SMARCAL1: variants seen among roughly 807,000 people sequenced by gnomAD.
SMARCAL1 encodes ATP-driven annealing helicase.
SMARCAL1 carries 58 observed loss-of-function variants against 94.5 expected under a neutral mutation model. That is an observed-to-expected ratio of 0.61 (90% CI 0.50 to 0.76). The LOEUF (loss-of-function observed/expected upper bound fraction) is 0.76. Ranked by LOEUF, SMARCAL1 falls within the 30% of genes least tolerant of loss-of-function variation. SMARCAL1 has a pLI of 0.00. For missense variants in SMARCAL1, 1,051 were observed against 1,177.9 expected (o/e 0.89, Z 1.58); for synonymous variants, 422 against 455.1 (o/e 0.93, Z 0.93).
chr2:216,458,568 C>T (rs1220189325), intron 12 of SMARCAL1, among the ~76,000 whole-genome samples: 2 of 152,120 alleles, frequency 1.3e-5, no homozygotes, highest in East Asian at 1.9e-4. Flanking sequence ...ATAAACAGAA[C>T]CAAAGACAAA....
intron 12 of SMARCAL1, among the ~76,000 whole-genome samples, chr2:216,463,710 G>A (rs1202384457): frequency 6.6e-6 from 1 of 152,120 alleles, no homozygotes; most frequent in African/African-American, 2.4e-5. Context: ...ACCTTATGTG[G>A]GAGGTATACC....
intron 14 of SMARCAL1, among the ~76,000 whole-genome samples, chr2:216,470,838 C>CAAAAAAAAAAAAAA (rs55763206): frequency 2.1e-5 from 1 of 48,068 alleles, no homozygotes; most frequent in African/African-American, 1.0e-4. Flanking sequence ...AAGAACATCT[C>CAAAAAAAAAAAAAA]AAAAAAAAAA....
Position 216,432,810 on chromosome 2 carries a change from G to T in SMARCAL1, c.1427G>T (p.Arg476Leu). Residue 476 changes from arginine to leucine, a missense_variant, in exon 8 of 18, where the codon CGG (arginine) becomes CTG (leucine). Arg to Leu is a moderately radical substitution (Grantham distance 102, BLOSUM62 -2). Coordinates refer to ENST00000357276, the MANE Select transcript of SMARCAL1 (RefSeq NM_014140.4). Reference sequence around the variant, plus strand: ...GCCATCTGCATCGCAGCCTTTTACCGGAAGGAGTGGCCGCTCCTGGTGGTG... The same window carrying T: ...GCCATCTGCATCGCAGCCTTTTACCTGAAGGAGTGGCCGCTCCTGGTGGTG... ...IQAICIAAFY[R>L]KEWPLLVVVP... The T allele has an allele frequency of 6.2e-7, 1 of 1,614,196 alleles. No individual in the cohort carries two copies. Among genetic ancestry groups the T allele is most frequent in the South Asian group, 1.1e-5 (1 of 91,080 alleles).
chr2:216,432,664 G>T (rs1693990703), intron 7 of SMARCAL1, 54 bp from the exon 8 acceptor site: 2 of 1,609,198 alleles, frequency 1.2e-6, no homozygotes, highest in Non-Finnish European at 1.7e-6. Context: ...GGACATGAGG[G>T]CAGATGAACT....
chr2:216,438,968 A>G (rs1694138418), intron 10 of SMARCAL1, among the ~76,000 whole-genome samples: 1 of 152,200 alleles, frequency 6.6e-6, no homozygotes, highest in Non-Finnish European at 1.5e-5. Flanking sequence ...GCATCAACCT[A>G]ATACAAACAG....
chr2:216,477,120 G>A lies in SMARCAL1; in HGVS notation c.2439G>A (p.Gln813=), dbSNP rs576372231. The change falls in exon 16 of 18, where the codon CAG becomes CAA. Residue 813 remains glutamine, a synonymous_variant. Transcript: ENST00000357276. Reference sequence around the variant, plus strand: ...TCCTGGACACACAGGTGCTGATCCAGGCTGAGGACCGCGTGCACCGCATTG... The same window carrying A: ...TCCTGGACACACAGGTGCTGATCCAAGCTGAGGACCGCGTGCACCGCATTG... ...ELFWNPGVLI[Q]AEDRVHRIGQ... is the part of the protein sequence containing the mutation. 6.3e-6 allele frequency: 10 copies of A among 1,579,064 alleles called. No homozygotes were observed. The East Asian group carries it at 2.1e-4, about 33-fold the overall frequency.
At chr2:216,471,962 T>C (rs989114363) in intron 14 of SMARCAL1, among the ~76,000 whole-genome samples, 1 of 152,120 alleles carries the variant, frequency 6.6e-6, no homozygotes, top group African/African-American at 2.4e-5. Context: ...CTGAAGAAAC[T>C]CCAAAATTGA....
At chr2:216,456,522 G>C (rs1694572512) in intron 12 of SMARCAL1, among the ~76,000 whole-genome samples, 1 of 146,968 alleles carries the variant, frequency 6.8e-6, no homozygotes, top group Non-Finnish European at 1.5e-5. Context: ...CAAGCCAGAA[G>C]AGAGTGGGGG....
Position 216,435,556 on chromosome 2 carries a change from G to C in SMARCAL1, c.1644+60G>C, listed in dbSNP as rs536864120. On this transcript the variant is annotated intron_variant, in intron 9 of 17. Coordinates refer to ENST00000357276, the MANE Select transcript of SMARCAL1 (RefSeq NM_014140.4). ...CTCTCTGGAAACTTTCTTTGTAAAAGCTCTGAGAACTTTCATGTCTGTAAT... is the reference window on the plus strand; with the variant it reads ...CTCTCTGGAAACTTTCTTTGTAAAACCTCTGAGAACTTTCATGTCTGTAAT... The C allele has an allele frequency of 2.3e-4, 333 of 1,466,132 alleles. 1 individual carries two copies. The African/African-American group carries it at 4.1e-3, about 18-fold the overall frequency. 90.8% of individuals were successfully genotyped at this position (1,466,132 alleles called of 1,614,324 possible).
intron 10 of SMARCAL1, among the ~76,000 whole-genome samples, chr2:216,441,708 C>T (rs529951955): frequency 2.7e-4 from 41 of 152,290 alleles, no homozygotes; most frequent in African/African-American, 9.6e-4. Context: ...GGTCAGTTTT[C>T]ATTTGACCTT....
At chr2:216,416,154 G>C (rs969404046) in intron 3 of SMARCAL1, 103 bp from the exon 4 acceptor site, 1 of 946,218 alleles carries the variant, frequency 1.1e-6, no homozygotes, top group Non-Finnish European at 1.7e-6. Flanking sequence ...CTGGTCAGCT[G>C]TTTTGAACTT....
chr2:216,446,518 G>C (rs966420420), intron 10 of SMARCAL1: 8 of 362,226 alleles, frequency 2.2e-5, no homozygotes, highest in African/African-American at 1.7e-4. Flanking sequence ...CATTATCTGA[G>C]TTCAACTTGC....
At chr2:216,444,069 A>G (rs1344245279) in intron 10 of SMARCAL1, among the ~76,000 whole-genome samples, 1 of 152,068 alleles carries the variant, frequency 6.6e-6, no homozygotes, top group East Asian at 1.9e-4. Context: ...CACTATCCTT[A>G]TTTCTGAAGA....
rs2106094806 is a variant in SMARCAL1 at position 216,482,770 on chromosome 2, C to T, written c.2658C>T (p.Phe886=). Residue 886 remains phenylalanine, a synonymous_variant, in exon 18 of 18, where the codon TTC becomes TTT. Transcript: ENST00000357276. This position sits in a 1 kb window ranked among gnomAD's most constrained non-coding sequence, Gnocchi z 4.3. ...DPKQQKIYDL[F]QKSFEKEGSD... is the part of the protein sequence containing the mutation. ...AGCAGCAGAAGATCTACGACCTATT[C>T]CAGAAGTCCTTTGAGAAAGAAGGAA... 5.6e-6 allele frequency: 9 copies of T among 1,614,136 alleles called. No individual in the cohort carries two copies. The highest frequency in any genetic ancestry group is 7.6e-6 in the Non-Finnish European group (9 of 1,180,010).
Position 216,438,144 on chromosome 2 carries a change from G to T in SMARCAL1, c.1645-276G>T, listed in dbSNP as rs116770898. ...CACCTTCTAGTGGTTTCTTTGAGCA[G>T]CCTCTGAGGTGGGCGGAGCAGGGAT... On this transcript the variant is annotated intron_variant, in intron 9 of 17. Transcript: ENST00000357276. Among the ~76,000 whole-genome samples the T allele has an allele frequency of 7.6e-3, 1,151 of 152,336 alleles. 7 individuals are homozygous for T. The highest frequency in any genetic ancestry group is 0.026 in the African/African-American group (1,081 of 41,566).
At chr2:216,415,820 A>G in intron 3 of SMARCAL1, 1 of 459,934 alleles carries the variant, frequency 2.2e-6, no homozygotes, top group South Asian at 2.3e-5. Context: ...TTTTTGAAAT[A>G]AGTAGATGTT....
chr2:216,480,902 T>C (rs1285998559), intron 17 of SMARCAL1, among the ~76,000 whole-genome samples: 2 of 152,016 alleles, frequency 1.3e-5, no homozygotes, highest in East Asian at 3.9e-4. Context: ...CTGGCAAAGA[T>C]CTGTAGGCTG....
chr2:216,444,590 G>A (rs1351051466), intron 10 of SMARCAL1, among the ~76,000 whole-genome samples: 1 of 152,112 alleles, frequency 6.6e-6, no homozygotes, highest in African/African-American at 2.4e-5. Flanking sequence ...CATGATCTCA[G>A]CTCACTGCAA....
intron 8 of SMARCAL1, among the ~76,000 whole-genome samples, chr2:216,434,711 G>C (rs1042831832): frequency 6.6e-6 from 1 of 152,008 alleles, no homozygotes; most frequent in Admixed American, 6.6e-5. Flanking sequence ...CAAGTATGGT[G>C]GTGTGCACCT....
Sources: allele counts gnomAD v4.1 joint callset (sites outside exome capture counted in the v4.1 genomes callset), GRCh38; gene constraint gnomAD v4.1.1; non-coding constraint Gnocchi (gnomAD v3.1); transcripts MANE v1.5; gene names NCBI Gene and HGNC (gene_info 2026-07-23, HGNC 2026-07-21).